Variants in LRRC43 observed in about 807,000 individuals in gnomAD.
The protein encoded by LRRC43 is leucine rich repeat containing 43, also known as leucine-rich repeat-containing protein 43.
A neutral mutation model predicts 64.3 loss-of-function variants in LRRC43; 62 were observed. The observed-to-expected ratio is 0.96, with a 90% CI of 0.79 to 1.19. The LOEUF is 1.19. Among genes scored for constraint, LRRC43 ranks in the 50% most tolerant of loss-of-function variants. The probability of loss-of-function intolerance (pLI) is 0.00; values close to 1 mark genes in which losing one functional copy is unlikely to be tolerated. For missense variants in LRRC43, 868 were observed against 845.0 expected, an observed-to-expected ratio of 1.03 and a Z score of -0.34; for synonymous variants, 422 against 382.3, an observed-to-expected ratio of 1.10 and a Z score of -1.21.
intron 1 of LRRC43, chr12:122,174,207 T>A: frequency 1.2e-6 from 2 of 1,613,848 alleles, no homozygotes; most frequent in Non-Finnish European, 1.7e-6. Flanking sequence ...CAGTGGGGGC[T>A]TCTGGAGCCA....
Position 122,169,691 on chromosome 12 carries a change from G to T in LRRC43, c.-406+1909G>T, listed in dbSNP as rs916242276. 1.0e-4 allele frequency among the ~76,000 whole-genome samples: 15 copies of T among 144,444 alleles called. No homozygotes were observed. In the South Asian group the frequency reaches 2.7e-3, roughly 26 times the overall value. 94.8% of individuals were successfully genotyped at this position (144,444 alleles called of 152,430 possible). ...AGATCGTGCCACTGCACTCCAGCCTGGGCGACAGAGCGAGACTCCGTCTCA... is the reference window on the plus strand; with the variant it reads ...AGATCGTGCCACTGCACTCCAGCCTTGGCGACAGAGCGAGACTCCGTCTCA... On this transcript the variant is annotated intron_variant, in intron 1 of 5. Transcript: ENST00000537729.
At chr12:122,177,114 AGG>A (rs948267702) in intron 1 of LRRC43, among the ~76,000 whole-genome samples, 5 of 152,142 alleles carry the variant, frequency 3.3e-5, no homozygotes, top group African/African-American at 9.7e-5. Flanking sequence ...GCATGGCAAA[AGG>A]GGTTTTGTGG....
upstream of LRRC43, among the ~76,000 whole-genome samples, chr12:122,182,029 G>A (rs887615806): frequency 3.3e-5 from 5 of 152,146 alleles, no homozygotes; most frequent in African/African-American, 4.8e-5. Context: ...GTATTAAAAC[G>A]TGGGGCCCTT....
At position 122,203,385 on chromosome 12, in the gene LRRC43, G is replaced by C. The variant is rs1405644878; in HGVS notation, c.1914G>C (p.Gln638His). The part of the protein sequence containing the change: ...YHPEPLTVEV[Q>H]IQLNQCRSAE... Reference sequence around the variant, plus strand: ...CTGAGCCCCTGACCGTAGAGGTGCAGATCCAGCTGAACCAGTGCCGCTCGG... The same window carrying C: ...CTGAGCCCCTGACCGTAGAGGTGCACATCCAGCTGAACCAGTGCCGCTCGG... The change falls in exon 12 of 12, where the codon CAG becomes CAC. Residue 638 changes from glutamine (Q) to histidine (H), a missense_variant. Coordinates refer to ENST00000339777, the MANE Select transcript of LRRC43 (RefSeq NM_001098519.2). The C allele has an allele frequency of 8.1e-6, 13 of 1,613,184 alleles. No individual in the cohort carries two copies. The highest frequency in any genetic ancestry group is 1.0e-5 in the Non-Finnish European group (12 of 1,179,886).
chr12:122,175,921 A>G (rs1212060248), intron 1 of LRRC43, among the ~76,000 whole-genome samples: 1 of 152,064 alleles, frequency 6.6e-6, no homozygotes, highest in Non-Finnish European at 1.5e-5. Flanking sequence ...CCCGCCTCAG[A>G]TTCCCAAACT....
chr12:122,197,118 C>A (rs1434406665), intron 7 of LRRC43, among the ~76,000 whole-genome samples: 1 of 152,124 alleles, frequency 6.6e-6, no homozygotes, highest in Non-Finnish European at 1.5e-5. Context: ...GGGTTACAAT[C>A]TTCCTGGGTG....
intron 6 of LRRC43, 94 bp downstream of exon 6, chr12:122,191,661 AATTT>A: frequency 5.0e-6 from 5 of 992,402 alleles, no homozygotes; most frequent in Non-Finnish European, 5.7e-6. Context: ...TTAATTAATT[AATTT>A]ATTTATTGAG....
At chr12:122,172,807 T>C (rs1359031979) in intron 1 of LRRC43, 2 of 1,254,364 alleles carry the variant, frequency 1.6e-6, no homozygotes, top group African/African-American at 3.0e-5. Flanking sequence ...TAACAGTGAA[T>C]GTTTGCATGC....
chr12:122,185,138 T>G (rs935903668), intron 2 of LRRC43, among the ~76,000 whole-genome samples: 1 of 152,138 alleles, frequency 6.6e-6, no homozygotes, highest in Non-Finnish European at 1.5e-5. Flanking sequence ...GTAGTTCTAT[T>G]TTAATTTGTT....
chr12:122,199,348 T>A (rs1205223130), intron 7 of LRRC43, among the ~76,000 whole-genome samples: 1 of 145,746 alleles, frequency 6.9e-6, no homozygotes, highest in African/African-American at 2.6e-5. Context: ...ACTGTCGCGA[T>A]CTCAGCTCAC....
rs143986943 is a variant in LRRC43 at position 122,195,279 on chromosome 12, C to T, written c.1349+2275C>T. Among the ~76,000 whole-genome samples the T allele has an allele frequency of 2.2e-3, 334 of 151,568 alleles. 2 individuals are homozygous for T. The highest frequency in any genetic ancestry group is 7.6e-3 in the African/African-American group (316 of 41,316). ...TTTTTTTTTTTTTGAGAGGGAGTCTCGCCCTGTTGCCCAGGGTGGAGTGCC... is the reference window on the plus strand; with the variant it reads ...TTTTTTTTTTTTTGAGAGGGAGTCTTGCCCTGTTGCCCAGGGTGGAGTGCC... On this transcript the variant is annotated intron_variant, in intron 7 of 11. Transcript: ENST00000339777.
intron 1 of LRRC43, chr12:122,172,725 C>G: frequency 6.2e-7 from 1 of 1,609,832 alleles, no homozygotes; most frequent in Non-Finnish European, 8.5e-7. Flanking sequence ...CACGAGCACG[C>G]CCTTCTCTTC....
At chr12:122,169,664 C>T (rs1953467945) in intron 1 of LRRC43, among the ~76,000 whole-genome samples, 1 of 140,634 alleles carries the variant, frequency 7.1e-6, no homozygotes, top group Admixed American at 7.8e-5. Flanking sequence ...TGCAGTGAGC[C>T]GAGATCGTGC....
In LRRC43 at chr12:122,191,436, C is replaced by CT. The variant is rs1427760051; in HGVS notation, c.959dup (p.Asp321GlyfsTer25). ...GACCATCGGAAACATCAGAGGAGTC[C>CT]TGGACACCTCTGTCTTAGACCCGGA... is the stretch of plus-strand genomic sequence containing the variant. On this transcript the variant is annotated frameshift_variant, in exon 6 of 12. Transcript: ENST00000339777. LOFTEE classifies it high-confidence loss of function. The CT allele has an allele frequency of 1.9e-6, 3 of 1,614,076 alleles. No individual in the cohort carries two copies. The highest frequency in any genetic ancestry group is 2.5e-6 in the Non-Finnish European group (3 of 1,179,982).
At chr12:122,194,056 G>A (rs1273506175) in intron 7 of LRRC43, among the ~76,000 whole-genome samples, 1 of 151,720 alleles carries the variant, frequency 6.6e-6, no homozygotes, top group Non-Finnish European at 1.5e-5. Flanking sequence ...TCTCTTTTTT[G>A]TGCTACTTTT....
chr12:122,184,556 G>A lies in LRRC43; in HGVS notation c.188G>A (p.Trp63Ter), dbSNP rs761159183. The A allele has an allele frequency of 1.9e-5, 30 of 1,613,894 alleles. No individual in the cohort carries two copies. Among genetic ancestry groups the A allele is most frequent in the Non-Finnish European group, 2.5e-5 (29 of 1,179,848 alleles). ...SRFLPQTWRT[W>*]RELVPREEDV... ...TTTCTTCCTCAAACTTGGCGAACTT[G>A]GAGGGAGCTTGTCCCCAGAGAGGAG... Residue 63 changes from tryptophan (W) to a stop codon, truncating the protein, a stop_gained, in exon 2 of 12, where the codon TGG (tryptophan) becomes TAG (stop). Transcript: ENST00000339777. LOFTEE classifies it high-confidence loss of function. This position sits in a 1 kb window ranked among gnomAD's most constrained non-coding sequence, Gnocchi z 4.0.
intron 5 of LRRC43, among the ~76,000 whole-genome samples, chr12:122,190,576 G>T (rs1235851472): frequency 2.6e-5 from 4 of 152,100 alleles, no homozygotes; most frequent in Non-Finnish European, 4.4e-5. Flanking sequence ...GAAGTGATAG[G>T]GGGAGGCCGG....
At position 122,184,767 on chromosome 12, in the gene LRRC43, A is replaced by G; in HGVS notation, c.399A>G (p.Val133=). 1.9e-6 allele frequency: 3 copies of G among 1,602,242 alleles called. No individual in the cohort carries two copies. Among genetic ancestry groups the G allele is most frequent in the Non-Finnish European group, 2.6e-6 (3 of 1,174,426 alleles). The change falls in exon 2 of 12, where the codon GTA becomes GTG. Residue 133 remains valine (V), a synonymous_variant. Transcript: ENST00000339777. The surrounding 1 kb of genome is among the most constrained non-coding windows in gnomAD (Gnocchi z 4.0). ...FFYSYFRSLR[V]IDKKVTLVDK... Reference sequence around the variant, plus strand: ...ACTCCTACTTCCGGTCCCTGCGGGTAATAGACAAGAAGGTCAGTGCTGGGC... The same window carrying G: ...ACTCCTACTTCCGGTCCCTGCGGGTGATAGACAAGAAGGTCAGTGCTGGGC...
chr12:122,183,465 A>C (rs992046217), intron 1 of LRRC43, among the ~76,000 whole-genome samples, 171 bp downstream of exon 1: 1 of 152,086 alleles, frequency 6.6e-6, no homozygotes, highest in Non-Finnish European at 1.5e-5. Flanking sequence ...AGTCGCGGGC[A>C]CTGCGCGGGG....
Sources: allele counts gnomAD v4.1 joint callset (sites outside exome capture counted in the v4.1 genomes callset), GRCh38; gene constraint gnomAD v4.1.1; non-coding constraint Gnocchi (gnomAD v3.1); transcripts MANE v1.5; gene names NCBI Gene and HGNC (gene_info 2026-07-23, HGNC 2026-07-21).